FBXO38: variants seen among roughly 807,000 people sequenced by gnomAD.
FBXO38 encodes F-box only protein 38.
In FBXO38, 53 loss-of-function variants were observed where a neutral mutation model predicts 131.9. The ratio of observed to expected loss-of-function variants is 0.40; its 90% confidence interval spans 0.32 to 0.51. FBXO38 has a LOEUF of 0.51. Ranked by LOEUF, FBXO38 falls within the 20% of genes least tolerant of loss-of-function variation. FBXO38 has a pLI of 0.53. For missense variants in FBXO38, 1,076 were observed against 1,475.6 expected, an observed-to-expected ratio of 0.73 and a Z score of 4.44; for synonymous variants, 452 against 505.6, an observed-to-expected ratio of 0.89 and a Z score of 1.42.
chr5:148,403,436 G>GT (rs1472922204), intron 5 of FBXO38, among the ~76,000 whole-genome samples: 1 of 150,142 alleles, frequency 6.7e-6, no homozygotes, highest in Non-Finnish European at 1.5e-5. Context: ...GGGGTATACT[G>GT]TCTTCTCTGC....
chr5:148,431,726 ATTGT>A (rs1283312173), intron 15 of FBXO38, among the ~76,000 whole-genome samples: 1 of 152,110 alleles, frequency 6.6e-6, no homozygotes, highest in Non-Finnish European at 1.5e-5. Flanking sequence ...GTCAATGAAG[ATTGT>A]TTGATTTTGG....
In FBXO38 at chr5:148,409,308, A is replaced by G. The variant is rs907428198; in HGVS notation, c.962+91A>G. The G allele has an allele frequency of 6.2e-6, 5 of 803,024 alleles. No individual in the cohort carries two copies. The African/African-American group carries it at 6.8e-5, about 11-fold the overall frequency. The allele number at this position is 803,024 out of a possible 1,614,324, so 49.7% of individuals were successfully genotyped here. On this transcript the variant is annotated intron_variant, in intron 8 of 21. Coordinates refer to ENST00000340253, the MANE Select transcript of FBXO38 (RefSeq NM_205836.3). Reference sequence around the variant, plus strand: ...AAAATTGTGGAATGTGTGTGTATATATGTGTGTACATTTGATCAAGCCTTG... The same window carrying G: ...AAAATTGTGGAATGTGTGTGTATATGTGTGTGTACATTTGATCAAGCCTTG...
intron 7 of FBXO38, 44 bp from the exon 8 acceptor site, chr5:148,409,080 A>T (rs1029764862): frequency 9.0e-7 from 1 of 1,114,056 alleles, no homozygotes; most frequent in Non-Finnish European, 1.4e-6. Flanking sequence ...ATACTTCACT[A>T]AAAATGCTAT....
At chr5:148,416,752 T>C in intron 11 of FBXO38, 1 of 483,536 alleles carries the variant, frequency 2.1e-6, no homozygotes, top group East Asian at 3.6e-5. Flanking sequence ...GGCCATGTGC[T>C]GTTGGGCAGA....
rs1266771674 is a variant in FBXO38, at chr5:148,439,837, A to G, written c.3170+45A>G. The G allele has an allele frequency of 8.2e-6, 13 of 1,590,880 alleles. No homozygotes were observed. The Admixed American group carries it at 1.6e-4, about 19-fold the overall frequency. Reference sequence around the variant, plus strand: ...TTAAAGGCCTTTTGAGTCATTTCTCATAGCAGGGACTCCCAGAAGCAAATC... The same window carrying G: ...TTAAAGGCCTTTTGAGTCATTTCTCGTAGCAGGGACTCCCAGAAGCAAATC... On this transcript the variant is annotated intron_variant, in intron 19 of 21. Coordinates refer to ENST00000340253, the MANE Select transcript of FBXO38 (RefSeq NM_205836.3).
rs149094280 is a variant in FBXO38, at chr5:148,438,612, A to G, written c.3024+114A>G. 1.8e-4 allele frequency: 196 copies of G among 1,087,430 alleles called. 1 individual carries two copies. In the East Asian group the frequency reaches 4.5e-3, roughly 25 times the overall value. 67.4% of individuals were successfully genotyped at this position (1,087,430 alleles called of 1,614,324 possible). A position where few individuals can be genotyped will look rare whatever the true frequency, so the allele number is the denominator to read the frequency against. ...GCATTCATTCACTTGCCCAACCTACAGTAATGATATTTTAGTTTTTACAGG... is the reference window on the plus strand; with the variant it reads ...GCATTCATTCACTTGCCCAACCTACGGTAATGATATTTTAGTTTTTACAGG... On this transcript the variant is annotated intron_variant, in intron 18 of 21. Transcript: ENST00000340253.
At chr5:148,409,086 G>A (rs779223469) in intron 7 of FBXO38, 38 bp from the exon 8 acceptor site, 1 of 1,145,952 alleles carries the variant, frequency 8.7e-7, no homozygotes, top group East Asian at 2.3e-5. Flanking sequence ...CACTAAAAAT[G>A]CTATGGTCAA....
chr5:148,399,801 T>G (rs564601580), intron 3 of FBXO38, among the ~76,000 whole-genome samples: 90 of 152,290 alleles, frequency 5.9e-4, no homozygotes, highest in African/African-American at 2.1e-3. Context: ...ATCCATTAAT[T>G]GGTAAAATTT....
At chr5:148,400,497 A>G (rs890042968) in intron 3 of FBXO38, among the ~76,000 whole-genome samples, 1 of 152,088 alleles carries the variant, frequency 6.6e-6, no homozygotes, top group Non-Finnish European at 1.5e-5. Flanking sequence ...ATGATAAATA[A>G]CCTGTGAGCC....
In FBXO38 at chr5:148,427,577, G is replaced by A. The variant is rs779798577; in HGVS notation, c.2283G>A (p.Glu761=). The change falls in exon 15 of 22, where the codon GAG becomes GAA. Residue 761 remains glutamate (E), a synonymous_variant. Transcript: ENST00000340253. ...ACSPGGSEDS[E]AMEEGDAESS... ...CCCCCGGTGGGTCAGAGGACTCTGAGGCCATGGAGGAGGGAGATGCAGAGA... is the reference window on the plus strand; with the variant it reads ...CCCCCGGTGGGTCAGAGGACTCTGAAGCCATGGAGGAGGGAGATGCAGAGA... The A allele has an allele frequency of 6.2e-6, 10 of 1,614,078 alleles. No homozygotes were observed. The highest frequency in any genetic ancestry group is 2.7e-5 in the African/African-American group (2 of 74,934).
At chr5:148,392,484 A>AT (rs1323988704) in intron 1 of FBXO38, among the ~76,000 whole-genome samples, 3 of 151,990 alleles carry the variant, frequency 2.0e-5, no homozygotes, top group Non-Finnish European at 2.9e-5. Flanking sequence ...TGTTCAAGTT[A>AT]TTGAGGTGAA....
chr5:148,427,921 C>T lies in FBXO38; in HGVS notation c.2627C>T (p.Ser876Phe). The T allele has an allele frequency of 2.6e-6, 4 of 1,522,218 alleles. No homozygotes were observed. The highest frequency in any genetic ancestry group is 3.5e-6 in the Non-Finnish European group (4 of 1,136,648). The allele number at this position is 1,522,218 out of a possible 1,614,324, so 94.3% of individuals were successfully genotyped here. ...CTAACCAGGGCCAGGAGCAGACTGT[C>T]CCATGTACTGCTGGTATCTGAGTCA... ...RPLTRARSRL[S>F]HVLLVSESEV... The change falls in exon 15 of 22, where the codon TCC (serine) becomes TTC (phenylalanine). Residue 876 changes from serine (S) to phenylalanine (F), a missense_variant. Physicochemically the swap from Ser to Phe is radical, Grantham distance 155. Around this residue, in one of 8 missense-constraint regions of FBXO38, gnomAD observed 282 missense variants for 418.8 expected, o/e 0.67. Coordinates refer to ENST00000340253, the MANE Select transcript of FBXO38 (RefSeq NM_205836.3).
rs1237631648 is a variant in FBXO38, at chr5:148,402,330, T to C, written c.427-18T>C. Reference sequence around the variant, plus strand: ...AACTAAAGTCTTTTCTTATGCTTGCTTTGGCATTATTTTCTAGGGTGTGGA... The same window carrying C: ...AACTAAAGTCTTTTCTTATGCTTGCCTTGGCATTATTTTCTAGGGTGTGGA... On this transcript the variant is annotated intron_variant, in intron 4 of 21. Transcript: ENST00000340253. The C allele has an allele frequency of 2.7e-5, 43 of 1,584,536 alleles. 1 individual carries two copies. In the Admixed American group the frequency reaches 7.2e-4, roughly 27 times the overall value.
At chr5:148,427,170 ATCTTT>A in intron 14 of FBXO38, 38 bp from the exon 15 acceptor site, 2 of 1,535,770 alleles carry the variant, frequency 1.3e-6, no homozygotes, top group Non-Finnish European at 1.7e-6. Context: ...TTATACTGAA[ATCTTT>A]TCTTTTCCTC....
chr5:148,419,377 T>C (rs75124262), intron 12 of FBXO38, among the ~76,000 whole-genome samples: 2 of 151,566 alleles, frequency 1.3e-5, no homozygotes, highest in South Asian at 2.1e-4. Flanking sequence ...ATAAGTTAGA[T>C]TTTTTTTTCC....
intron 15 of FBXO38, 198 bp from the exon 16 acceptor site, chr5:148,433,226 A>G (rs974768831): frequency 3.9e-6 from 2 of 515,900 alleles, no homozygotes; most frequent in Non-Finnish European, 7.0e-6. Flanking sequence ...TGTTTGATGT[A>G]GATATGTTTG....
chr5:148,406,762 T>C (rs1363639259), intron 7 of FBXO38, among the ~76,000 whole-genome samples: 2 of 152,110 alleles, frequency 1.3e-5, no homozygotes, highest in African/African-American at 4.8e-5. Context: ...CCAAAAAAAA[T>C]TTAGGCATTA....
intron 12 of FBXO38, among the ~76,000 whole-genome samples, chr5:148,419,796 G>C (rs1388924062): frequency 6.6e-6 from 1 of 152,114 alleles, no homozygotes; most frequent in African/African-American, 2.4e-5. Context: ...ACCAGCCCCA[G>C]AATGAAGTAA....
At chr5:148,406,179 A>T (rs1158863850) in intron 6 of FBXO38, 78 bp from the exon 7 acceptor site, 1 of 1,348,176 alleles carries the variant, frequency 7.4e-7, no homozygotes, top group African/African-American at 1.5e-5. Context: ...TTTATAAGTT[A>T]TACATGTCTT....
Sources: allele counts gnomAD v4.1 joint callset (sites outside exome capture counted in the v4.1 genomes callset), GRCh38; gene constraint gnomAD v4.1.1; regional missense constraint gnomAD v4.1.1; transcripts MANE v1.5; gene names NCBI Gene and HGNC (gene_info 2026-07-23, HGNC 2026-07-21).